Variants in SLC71A2 observed in about 807,000 individuals in gnomAD.
The protein encoded by SLC71A2 is solute carrier family 71 member 2.
chr9:94,455,316 G>A, the SLC71A2 span, among the ~76,000 whole-genome samples: 2 of 148,384 alleles, frequency 1.3e-5, no homozygotes, highest in African/African-American at 5.0e-5. Context: ...GTATGTACAC[G>A]CACCACCACG....
chr9:94,420,238 T>C, the SLC71A2 span, among the ~76,000 whole-genome samples: 1 of 152,200 alleles, frequency 6.6e-6, no homozygotes, highest in South Asian at 2.1e-4. Context: ...GTTATATCCC[T>C]GGCCTAACCC....
chr9:94,428,602 T>TCCC, the SLC71A2 span, among the ~76,000 whole-genome samples: 1,624 of 116,854 alleles, frequency 0.014, 48 homozygotes, highest in African/African-American at 0.057. Flanking sequence ...CCCCCCCCCT[T>TCCC]TTTTTTTTTT....
chr9:94,417,808 C>T, the SLC71A2 span, among the ~76,000 whole-genome samples: 17 of 147,676 alleles, frequency 1.2e-4, no homozygotes, highest in African/African-American at 4.2e-4. Context: ...AATATTTTTA[C>T]TGTCCCTTTA....
the SLC71A2 span, among the ~76,000 whole-genome samples, chr9:94,379,442 C>G: frequency 7.4e-6 from 1 of 135,574 alleles, no homozygotes; most frequent in Admixed American, 7.4e-5. Flanking sequence ...GGCTGGAGTG[C>G]GGTGGCGCAC....
the SLC71A2 span, among the ~76,000 whole-genome samples, chr9:94,411,558 CT>C: frequency 6.6e-6 from 1 of 151,354 alleles, no homozygotes; most frequent in African/African-American, 2.4e-5. Flanking sequence ...TGGCAGGATT[CT>C]AAGTTAATTA....
At chr9:94,375,016 A>C in the SLC71A2 span, 18 of 861,240 alleles carry the variant, frequency 2.1e-5, no homozygotes, top group Non-Finnish European at 2.7e-5. Context: ...CGCTCCGGGC[A>C]GGGGCTTCGG....
At chr9:94,405,033 G>T in the SLC71A2 span, among the ~76,000 whole-genome samples, 1 of 152,012 alleles carries the variant, frequency 6.6e-6, no homozygotes, top group South Asian at 2.1e-4. Context: ...TTAGGGTAGC[G>T]ATCCAACTTC....
chr9:94,407,536 G>A, the SLC71A2 span, among the ~76,000 whole-genome samples: 4 of 151,984 alleles, frequency 2.6e-5, no homozygotes, highest in African/African-American at 9.7e-5. Context: ...GCACTACCAC[G>A]CCCGGCTAAT....
chr9:94,401,572 G>C, the SLC71A2 span, among the ~76,000 whole-genome samples: 1 of 151,820 alleles, frequency 6.6e-6, no homozygotes, highest in African/African-American at 2.4e-5. Context: ...TGACGATCGG[G>C]ATTTATTACC....
At chr9:94,386,624 G>C in the SLC71A2 span, among the ~76,000 whole-genome samples, 1 of 151,854 alleles carries the variant, frequency 6.6e-6, no homozygotes, top group Non-Finnish European at 1.5e-5. Flanking sequence ...GTTCTGCCTT[G>C]ATCTCCATTA....
At chr9:94,460,729 G>A in the SLC71A2 span, 1 of 152,204 alleles carries the variant, frequency 6.6e-6, no homozygotes, top group African/African-American at 2.4e-5. Context: ...ATTTATAAAT[G>A]TAATGAAGGT....
chr9:94,413,312 G>T, the SLC71A2 span, among the ~76,000 whole-genome samples: 1 of 152,172 alleles, frequency 6.6e-6, no homozygotes, highest in South Asian at 2.1e-4. Context: ...TAATTTCCTG[G>T]TTTAGATAAT....
chr9:94,454,407 G>T, the SLC71A2 span, among the ~76,000 whole-genome samples: 1 of 151,748 alleles, frequency 6.6e-6, no homozygotes, highest in Non-Finnish European at 1.5e-5. Context: ...TCACTCTGTT[G>T]CCCAGGCTGG....
At chr9:94,384,093 T>G in the SLC71A2 span, among the ~76,000 whole-genome samples, 1 of 152,150 alleles carries the variant, frequency 6.6e-6, no homozygotes, top group Non-Finnish European at 1.5e-5. Context: ...CTGCAGCCAA[T>G]TTCCAGAACT....
chr9:94,435,647 CTTCTTTT>C, the SLC71A2 span, among the ~76,000 whole-genome samples: 92 of 81,468 alleles, frequency 1.1e-3, no homozygotes, highest in African/African-American at 4.6e-3. Context: ...CTTTTTCCTT[CTTCTTTT>C]TTTTTTTTTT....
At chr9:94,460,497 C>G in the SLC71A2 span, 1 of 152,404 alleles carries the variant, frequency 6.6e-6, no homozygotes. Flanking sequence ...TTTTATGAAG[C>G]TGAGTTTCAC....
the SLC71A2 span, among the ~76,000 whole-genome samples, chr9:94,406,047 T>C: frequency 6.7e-6 from 1 of 148,604 alleles, no homozygotes; most frequent in Non-Finnish European, 1.5e-5. Flanking sequence ...TTATTCTTTA[T>C]GATGCTATTG....
chr9:94,418,487 G>A, the SLC71A2 span, among the ~76,000 whole-genome samples: 1 of 152,014 alleles, frequency 6.6e-6, no homozygotes, highest in African/African-American at 2.4e-5. Context: ...CTGTCACTCA[G>A]GCTGGAGTGC....
the SLC71A2 span, chr9:94,445,155 T>A: frequency 4.3e-6 from 7 of 1,613,742 alleles, no homozygotes; most frequent in Non-Finnish European, 5.9e-6. Context: ...GAGCTCAGAT[T>A]TCTTGGAAAC....
Sources: allele counts gnomAD v4.1 joint callset (sites outside exome capture counted in the v4.1 genomes callset), GRCh38; gene constraint gnomAD v4.1.1; transcripts MANE v1.5; gene names NCBI Gene and HGNC (gene_info 2026-07-23, HGNC 2026-07-21).